FLACC1: variants seen among roughly 807,000 people sequenced by gnomAD.
FLACC1 encodes flagellum-associated coiled-coil domain-containing protein 1.
FLACC1 carries 66 observed loss-of-function variants against 62.8 expected under a neutral mutation model. The observed-to-expected ratio is 1.05, with a 90% confidence interval of 0.86 to 1.29. The LOEUF (loss-of-function observed/expected upper bound fraction) is 1.29. FLACC1 is among the 50% of genes most tolerant of loss of function. The probability of loss-of-function intolerance (pLI) is 0.00; values close to 1 mark genes in which losing one functional copy is unlikely to be tolerated. For missense variants in FLACC1, 452 were observed against 489.1 expected (o/e 0.92, Z 0.71); for synonymous variants, 156 against 161.0 (o/e 0.97, Z 0.24).
chr2:201,345,150 C>T (rs1191601088), intron 5 of FLACC1, among the ~76,000 whole-genome samples: 1 of 152,202 alleles, frequency 6.6e-6, no homozygotes, highest in Non-Finnish European at 1.5e-5. Context: ...AGGTGGCTGT[C>T]GGTGCTAGCT....
chr2:201,311,064 C>T (rs1950208139), intron 9 of FLACC1, among the ~76,000 whole-genome samples: 1 of 151,606 alleles, frequency 6.6e-6, no homozygotes, highest in South Asian at 2.1e-4. Flanking sequence ...TTCCTGGAAA[C>T]ACAACCTCCA....
chr2:201,330,020 A>G (rs955731530), intron 9 of FLACC1, among the ~76,000 whole-genome samples: 1 of 152,220 alleles, frequency 6.6e-6, no homozygotes, highest in South Asian at 2.1e-4. Context: ...TTAGAACCCA[A>G]TGGCAATTTC....
In FLACC1 at chr2:201,351,350, G is replaced by A; in HGVS notation, c.55C>T (p.Pro19Ser). ...CTCWDPWNLG[P>S]RKLIKTPQLP... ...TGAGGGGTCTTGATTAGCTTCCGTG[G>A]TCCCAAGTTCCAGGGGTCCCAGCAG... The change falls in exon 2 of 15, where the codon CCA (proline) becomes TCA (serine). Residue 19 changes from proline (P) to serine (S), a missense_variant. By Grantham distance (74) the Pro-to-Ser change is moderately conservative (BLOSUM62 -1). Transcript: ENST00000392257. 1 of 1,614,146 alleles carries A rather than the reference G, an allele frequency of 6.2e-7. No homozygotes were observed. Among genetic ancestry groups the A allele is most frequent in the Non-Finnish European group, 8.5e-7 (1 of 1,180,016 alleles).
intron 10 of FLACC1, among the ~76,000 whole-genome samples, chr2:201,308,382 T>C (rs1950148879): frequency 6.6e-6 from 1 of 152,228 alleles, no homozygotes; most frequent in Non-Finnish European, 1.5e-5. Flanking sequence ...GGTCTTCATA[T>C]TACCTTCTGG....
chr2:201,318,138 A>C (rs1017729051), intron 9 of FLACC1, among the ~76,000 whole-genome samples: 1 of 152,238 alleles, frequency 6.6e-6, no homozygotes, highest in Non-Finnish European at 1.5e-5. Flanking sequence ...GAAAATATAA[A>C]AATTCTAGAA....
intron 7 of FLACC1, among the ~76,000 whole-genome samples, chr2:201,336,019 G>A (rs562029649): frequency 6.6e-6 from 1 of 151,964 alleles, no homozygotes; most frequent in East Asian, 1.9e-4. Flanking sequence ...TTTTATTTTA[G>A]GTTTAGGGGT....
chr2:201,338,903 G>A (rs762994285), intron 7 of FLACC1, among the ~76,000 whole-genome samples: 10 of 152,082 alleles, frequency 6.6e-5, no homozygotes, highest in Non-Finnish European at 8.8e-5. Flanking sequence ...ATCTGACTTT[G>A]GTATTAAGGT....
chr2:201,348,306 C>G lies in FLACC1; in HGVS notation c.186-4G>C. 1 of 1,611,860 alleles carries G rather than the reference C, an allele frequency of 6.2e-7. No individual in the cohort carries two copies. Among genetic ancestry groups the G allele is most frequent in the Non-Finnish European group, 8.5e-7 (1 of 1,179,708 alleles). On this transcript the variant is annotated splice_region_variant and splice_polypyrimidine_tract_variant and intron_variant, in intron 3 of 14. Coordinates refer to ENST00000392257, the MANE Select transcript of FLACC1 (RefSeq NM_001127391.3). ...CCTTGCTGAATGGATTTTCATTCTGCAAGAGAAAGACATGCTCAGAAAGCA... is the reference window on the plus strand; with the variant it reads ...CCTTGCTGAATGGATTTTCATTCTGGAAGAGAAAGACATGCTCAGAAAGCA...
intron 9 of FLACC1, among the ~76,000 whole-genome samples, chr2:201,329,875 T>C (rs1445559568): frequency 1.3e-5 from 2 of 152,216 alleles, no homozygotes; most frequent in Admixed American, 1.3e-4. Context: ...AAATGAAAGT[T>C]GACTTTTTTT....
intron 7 of FLACC1, among the ~76,000 whole-genome samples, chr2:201,333,397 G>GATTT (rs908836301): frequency 4.0e-5 from 6 of 151,878 alleles, no homozygotes; most frequent in African/African-American, 1.5e-4. Context: ...TTTTTAATTG[G>GATTT]ATTTATTTAT....
chr2:201,339,737 C>G (rs1950768063), intron 7 of FLACC1, among the ~76,000 whole-genome samples: 1 of 151,910 alleles, frequency 6.6e-6, no homozygotes, highest in Non-Finnish European at 1.5e-5. Context: ...TTATTGATTT[C>G]TAGTTTTATT....
intron 7 of FLACC1, among the ~76,000 whole-genome samples, chr2:201,333,612 T>C (rs1393531425): frequency 7.2e-6 from 1 of 138,564 alleles, no homozygotes; most frequent in African/African-American, 2.7e-5. Flanking sequence ...TGTCCATGTG[T>C]TCTCGTTGTT....
At chr2:201,292,195 G>C (rs1269554796) in intron 12 of FLACC1, among the ~76,000 whole-genome samples, 2 of 152,108 alleles carry the variant, frequency 1.3e-5, no homozygotes, top group Non-Finnish European at 2.9e-5. Flanking sequence ...GATACTCCTC[G>C]AGAAGAGCAA....
chr2:201,304,243 CA>C (rs1281056810), intron 11 of FLACC1, among the ~76,000 whole-genome samples: 2 of 152,146 alleles, frequency 1.3e-5, no homozygotes, highest in African/African-American at 4.8e-5. Flanking sequence ...TCTCAGGATA[CA>C]AAATCAATGT....
intron 12 of FLACC1, among the ~76,000 whole-genome samples, chr2:201,296,188 T>C (rs911688178): frequency 1.3e-5 from 2 of 152,196 alleles, no homozygotes; most frequent in African/African-American, 2.4e-5. Flanking sequence ...TTATAAATCA[T>C]GCTGCTATAA....
chr2:201,345,450 T>TTGTGTGTGTG lies in FLACC1; in HGVS notation c.368+1082_368+1091dup, dbSNP rs56229607. On this transcript the variant is annotated intron_variant, in intron 5 of 14. Transcript: ENST00000392257. ...AATACACTAGCAGATAGGTAGATGA[T>TTGTGTGTGTG]TGTGTGTGTGTGTGTGTGTGTGTGT... is the stretch of plus-strand genomic sequence containing the variant. Among the ~76,000 whole-genome samples, 362 of 144,194 alleles carry TTGTGTGTGTG rather than the reference T, an allele frequency of 2.5e-3. 2 individuals are homozygous for TTGTGTGTGTG. Among genetic ancestry groups the TTGTGTGTGTG allele is most frequent in the African/African-American group, 7.1e-3 (278 of 39,308 alleles). The allele number at this position is 144,194 out of a possible 152,430, so 94.6% of individuals were successfully genotyped here.
chr2:201,321,326 G>C (rs1310911953), intron 9 of FLACC1, among the ~76,000 whole-genome samples: 1 of 152,186 alleles, frequency 6.6e-6, no homozygotes, highest in Non-Finnish European at 1.5e-5. Context: ...GGAACAGGGA[G>C]TGCACCACAT....
rs1431206578 is a variant in FLACC1 at position 201,299,154 on chromosome 2, T to C, written c.942+84A>G. ...CTTATTGGCTTTGGGGAAATTATCATTGATTCCATTATACTGACAGCTTGT... is the reference window on the plus strand; with the variant it reads ...CTTATTGGCTTTGGGGAAATTATCACTGATTCCATTATACTGACAGCTTGT... On this transcript the variant is annotated intron_variant, in intron 12 of 14. Coordinates refer to ENST00000392257, the MANE Select transcript of FLACC1 (RefSeq NM_001127391.3). 1.4e-5 allele frequency: 18 copies of C among 1,266,952 alleles called. No individual in the cohort carries two copies. In the Admixed American group the frequency reaches 2.2e-4, roughly 15 times the overall value. 78.5% of individuals were successfully genotyped at this position (1,266,952 alleles called of 1,614,324 possible).
intron 7 of FLACC1, among the ~76,000 whole-genome samples, chr2:201,338,509 C>G (rs1950740603): frequency 6.6e-6 from 1 of 151,862 alleles, no homozygotes; most frequent in South Asian, 2.1e-4. Context: ...TCAACTTTTC[C>G]CTGTTCAGTA....
Sources: allele counts gnomAD v4.1 joint callset (sites outside exome capture counted in the v4.1 genomes callset), GRCh38; gene constraint gnomAD v4.1.1; transcripts MANE v1.5; gene names NCBI Gene and HGNC (gene_info 2026-07-23, HGNC 2026-07-21).